Variants in ADAMTS12 observed in about 807,000 individuals in gnomAD.
The protein encoded by ADAMTS12 is A disintegrin and metalloproteinase with thrombospondin motifs 12.
Under a neutral mutation model 167.8 loss-of-function variants are expected in ADAMTS12, and 118 were observed. The observed-to-expected ratio is 0.70, with a 90% CI of 0.61 to 0.82. The LOEUF is 0.82. Among genes scored for constraint, ADAMTS12 ranks in the 40% least tolerant of loss-of-function variants. The pLI is 0.00. For missense variants in ADAMTS12, 1,916 were observed against 1,998.8 expected (o/e 0.96, Z 0.79); for synonymous variants, 704 against 716.9 (o/e 0.98, Z 0.29).
chr5:33,576,507 A>T lies in ADAMTS12; in HGVS notation c.3519T>A (p.Asn1173Lys). 1 of 1,611,232 alleles carries T rather than the reference A, an allele frequency of 6.2e-7. No individual in the cohort carries two copies. The highest frequency in any genetic ancestry group is 1.1e-5 in the South Asian group (1 of 90,434). ...REQPEDKDES[N>K]PVIWTKIRVP... Reference sequence around the variant, plus strand: ...CTCTGATCTTGGTCCATATTACAGGATTGCTTTCATCTTTGTCCTCAGGCT... The same window carrying T: ...CTCTGATCTTGGTCCATATTACAGGTTTGCTTTCATCTTTGTCCTCAGGCT... Residue 1173 changes from asparagine to lysine, a missense_variant, in exon 19 of 24, where the codon AAT (asparagine) becomes AAA (lysine). Transcript: ENST00000504830.
chr5:33,675,819 A>C (rs1355541443), intron 5 of ADAMTS12, among the ~76,000 whole-genome samples: 1 of 152,208 alleles, frequency 6.6e-6, no homozygotes. Context: ...TATGCTCTTG[A>C]TCACAGAAGC....
chr5:33,792,601 T>C (rs1156793173), intron 2 of ADAMTS12, among the ~76,000 whole-genome samples: 2 of 152,208 alleles, frequency 1.3e-5, no homozygotes, highest in Non-Finnish European at 2.9e-5. Flanking sequence ...AGCAGATATG[T>C]GTTGATTCAA....
At chr5:33,891,577 C>A in intron 1 of ADAMTS12, 153 bp downstream of exon 1, 1 of 1,114,586 alleles carries the variant, frequency 9.0e-7, no homozygotes, top group South Asian at 1.6e-5. Flanking sequence ...AAAGCCTAGG[C>A]TCCTGAGGTC....
chr5:33,886,979 T>C (rs1289848497), intron 1 of ADAMTS12, among the ~76,000 whole-genome samples: 1 of 152,034 alleles, frequency 6.6e-6, no homozygotes, highest in Non-Finnish European at 1.5e-5. Flanking sequence ...AGGTAGGAAC[T>C]TGGCTACCCG....
intron 5 of ADAMTS12, among the ~76,000 whole-genome samples, chr5:33,675,823 C>T (rs1305037979): frequency 3.9e-5 from 6 of 152,126 alleles, no homozygotes; most frequent in Non-Finnish European, 5.9e-5. Context: ...CTCTTGATCA[C>T]AGAAGCCTTG....
chr5:33,545,863 G>C (rs1273706801), intron 22 of ADAMTS12, among the ~76,000 whole-genome samples, 196 bp downstream of exon 22: 1 of 151,664 alleles, frequency 6.6e-6, no homozygotes, highest in Admixed American at 6.6e-5. Flanking sequence ...GCCTGTCGGG[G>C]GGTGGGGGGC....
At chr5:33,771,713 ATATATTG>A (rs151072544) in intron 2 of ADAMTS12, among the ~76,000 whole-genome samples, 4,546 of 152,144 alleles carry the variant, frequency 0.03, 188 homozygotes, top group East Asian at 0.14. Context: ...GGTACATTTT[ATATATTG>A]TATATTGTAT....
chr5:33,591,627 C>T (rs1485007904), intron 17 of ADAMTS12, among the ~76,000 whole-genome samples: 1 of 152,154 alleles, frequency 6.6e-6, no homozygotes, highest in African/African-American at 2.4e-5. Flanking sequence ...CCTCATTTTC[C>T]CTAGCTTTCT....
intron 3 of ADAMTS12, among the ~76,000 whole-genome samples, chr5:33,693,156 T>C (rs1468978715): frequency 6.6e-6 from 1 of 152,230 alleles, no homozygotes; most frequent in Non-Finnish European, 1.5e-5. Context: ...TGAACTTAAC[T>C]GCAGGGCATA....
At chr5:33,854,628 T>C (rs2111662231) in intron 2 of ADAMTS12, among the ~76,000 whole-genome samples, 1 of 152,218 alleles carries the variant, frequency 6.6e-6, no homozygotes, top group East Asian at 1.9e-4. Flanking sequence ...TTCAATTCTA[T>C]CCCTCCCATC....
At chr5:33,656,005 C>G (rs1445989368) in intron 7 of ADAMTS12, among the ~76,000 whole-genome samples, 1 of 152,094 alleles carries the variant, frequency 6.6e-6, no homozygotes, top group Non-Finnish European at 1.5e-5. Context: ...TTCTTTAATT[C>G]TTTTACTTAG....
At chr5:33,659,279 C>A (rs1352177541) in intron 6 of ADAMTS12, among the ~76,000 whole-genome samples, 1 of 152,190 alleles carries the variant, frequency 6.6e-6, no homozygotes, top group Admixed American at 6.6e-5. Flanking sequence ...TCAGCACATG[C>A]ACCACAAACT....
At position 33,648,964 on chromosome 5, in the gene ADAMTS12, C is replaced by A. The variant is rs201968522; in HGVS notation, c.1337G>T (p.Arg446Leu). Reference protein sequence around the residue: ...SEEYITRFLDRGWGFCLDDIP... With the variant: ...SEEYITRFLDLGWGFCLDDIP... ...GTCATCAAGACAGAACCCCCAGCCT[C>A]GGCTGAAAACAAGTTAACAGAAATG... The change falls in exon 9 of 24, where the codon CGA becomes CTA. Residue 446 changes from arginine to leucine, a missense_variant and splice_region_variant. Physicochemically the swap from Arg to Leu is moderately radical, Grantham distance 102. Transcript: ENST00000504830. The A allele has an allele frequency of 1.2e-6, 2 of 1,613,324 alleles. No individual in the cohort carries two copies. Among genetic ancestry groups the A allele is most frequent in the Admixed American group, 1.7e-5 (1 of 59,918 alleles).
chr5:33,834,539 A>G (rs1237671116), intron 2 of ADAMTS12, among the ~76,000 whole-genome samples: 1 of 152,132 alleles, frequency 6.6e-6, no homozygotes, highest in Non-Finnish European at 1.5e-5. Context: ...TCACTCAGGA[A>G]CCCATGACCC....
At chr5:33,728,231 C>T (rs905721514) in intron 3 of ADAMTS12, among the ~76,000 whole-genome samples, 7 of 152,072 alleles carry the variant, frequency 4.6e-5, no homozygotes, top group African/African-American at 1.2e-4. Context: ...TTATCCCACT[C>T]GGGATGTTCA....
chr5:33,753,451 G>C (rs151197362), intron 2 of ADAMTS12, among the ~76,000 whole-genome samples: 135 of 152,298 alleles, frequency 8.9e-4, no homozygotes, highest in African/African-American at 3.1e-3. Flanking sequence ...TCAGAGACCA[G>C]GCACAAGAGG....
chr5:33,758,649 C>G (rs552962034), intron 2 of ADAMTS12, among the ~76,000 whole-genome samples: 2 of 151,986 alleles, frequency 1.3e-5, no homozygotes, highest in Admixed American at 6.6e-5. Flanking sequence ...AACCAATGGA[C>G]GGGGTAGGCA....
At position 33,561,073 on chromosome 5, in the gene ADAMTS12, C is replaced by T; in HGVS notation, c.4079G>A (p.Cys1360Tyr). The T allele has an allele frequency of 1.2e-6, 2 of 1,614,164 alleles. No individual in the cohort carries two copies. Among genetic ancestry groups the T allele is most frequent in the Non-Finnish European group, 1.7e-6 (2 of 1,180,018 alleles). ...AIQRPDPAKR[C>Y]HLRPCAGWKV... ...CCAGCCAGCACAGGGACGGAGGTGG[C>T]ATCTTTTTGCAGGGTCAGGTCTCTG... The change falls in exon 20 of 24, where the codon TGC (cysteine) becomes TAC (tyrosine). Residue 1360 changes from cysteine to tyrosine, a missense_variant. Transcript: ENST00000504830.
At chr5:33,877,027 G>A (rs1408504245) in intron 2 of ADAMTS12, among the ~76,000 whole-genome samples, 2 of 152,166 alleles carry the variant, frequency 1.3e-5, no homozygotes, top group East Asian at 1.9e-4. Context: ...TTCACCCAAA[G>A]AGAAAGGGAA....
Sources: gnomAD v4.1 joint callset for allele counts (sites outside exome capture counted in the v4.1 genomes callset) on GRCh38, gnomAD v4.1.1 for gene constraint, MANE v1.5 for transcripts, NCBI Gene and HGNC (gene_info 2026-07-23, HGNC 2026-07-21) for gene names.